The following RASIP1 variants were observed in gnomAD, a reference collection of about 807,000 sequenced individuals.
RASIP1 encodes ras-interacting protein 1.
A neutral mutation model predicts 85.3 loss-of-function variants in RASIP1; 20 were observed. The observed-to-expected ratio is 0.23, with a 90% CI of 0.17 to 0.34. The LOEUF (loss-of-function observed/expected upper bound fraction) is 0.34, where lower values mean the gene tolerates loss of function less well. RASIP1 is among the 10% of genes least tolerant of loss of function. RASIP1 has a pLI of 1.00. For synonymous variants in RASIP1, 617 were observed against 647.1 expected (o/e 0.95, Z 0.71); for missense variants, 1,170 against 1,390.9 (o/e 0.84, Z 2.53).
At position 48,722,264 on chromosome 19, in the gene RASIP1, C is replaced by A. The variant is rs144844138; in HGVS notation, c.2545-263G>T. ...GTGGAAATAAATAAGATTGGCCATT[C>A]GTTTATATTATTGAATCTGGCGATG... On this transcript the variant is annotated intron_variant, in intron 10 of 11. Transcript: ENST00000222145. Among the ~76,000 whole-genome samples, 648 of 139,886 alleles carry A rather than the reference C, an allele frequency of 4.6e-3. 4 individuals are homozygous for A. Among genetic ancestry groups the A allele is most frequent in the Middle Eastern group, 0.019 (5 of 262 alleles). 91.8% of individuals were successfully genotyped at this position (139,886 alleles called of 152,430 possible).
At position 48,740,360 on chromosome 19, in the gene RASIP1, G is replaced by T. The variant is rs2033651357; in HGVS notation, c.-4-74C>A. 6.7e-7 allele frequency: 1 copy of T among 1,497,212 alleles called. No individual in the cohort carries two copies. 92.7% of individuals were successfully genotyped at this position (1,497,212 alleles called of 1,614,324 possible). ...ATGGGGTGGAGGGAACCTGGACTCC[G>T]AGTCAGAGGGAGGAGGGGGCTGGGG... On this transcript the variant is annotated intron_variant, in intron 1 of 11. Coordinates refer to ENST00000222145, the MANE Select transcript of RASIP1 (RefSeq NM_017805.3). The surrounding 1 kb of genome is among the most constrained non-coding windows in gnomAD (Gnocchi z 5.5).
chr19:48,722,506 G>A (rs983449849), intron 10 of RASIP1, among the ~76,000 whole-genome samples: 2 of 151,904 alleles, frequency 1.3e-5, no homozygotes, highest in Non-Finnish European at 2.9e-5. Flanking sequence ...AGTTTTTGTA[G>A]AGATGGGATC....
chr19:48,733,528 G>A (rs1215022136), intron 4 of RASIP1, among the ~76,000 whole-genome samples: 2 of 152,166 alleles, frequency 1.3e-5, no homozygotes, highest in African/African-American at 2.4e-5. Flanking sequence ...AGTGCTGGCC[G>A]GGAGCGGTGG....
In RASIP1 at chr19:48,721,977, C is replaced by A; in HGVS notation, c.2569G>T (p.Asp857Tyr). 1 of 1,510,474 alleles carries A rather than the reference C, an allele frequency of 6.6e-7. No homozygotes were observed. Among genetic ancestry groups the A allele is most frequent in the Non-Finnish European group, 8.9e-7 (1 of 1,119,030 alleles). The allele number at this position is 1,510,474 out of a possible 1,614,324, so 93.6% of individuals were successfully genotyped here. A position where few individuals can be genotyped will look rare whatever the true frequency, so the allele number is the denominator to read the frequency against. ...LKASWSSLRT[D>Y]HPTLTPAQLH... Reference sequence around the variant, plus strand: ...TGGGCGGGGGTCAAGGTGGGGTGGTCGGTTCTTAGGCTGCTCCATGAAGCC... The same window carrying A: ...TGGGCGGGGGTCAAGGTGGGGTGGTAGGTTCTTAGGCTGCTCCATGAAGCC... The change falls in exon 11 of 12, where the codon GAC (aspartate) becomes TAC (tyrosine). Residue 857 changes from aspartate to tyrosine, a missense_variant. This residue lies in a region of RASIP1 where 426 missense variants were observed against 576.2 expected (regional missense o/e 0.74). Transcript: ENST00000222145.
chr19:48,724,742 G>C lies in RASIP1; in HGVS notation c.2346C>G (p.Ser782=). The stretch of plus-strand genomic sequence containing the variant: ...CTCGTTCCATCAGCGAGTTGAGAAG[G>C]GATGCGTTGGAGAAGAAGAACAAGT... The part of the protein sequence containing the change: ...FGYLFFFSNA[S]LLNSLMERGQ... Residue 782 remains serine (S), a synonymous_variant, in exon 9 of 12, where the codon TCC becomes TCG. Transcript: ENST00000222145. The surrounding 1 kb of genome is among the most constrained non-coding windows in gnomAD (Gnocchi z 4.6). The C allele has an allele frequency of 1.2e-6, 2 of 1,614,186 alleles. No homozygotes were observed. Among genetic ancestry groups the C allele is most frequent in the Admixed American group, 1.7e-5 (1 of 60,012 alleles).
chr19:48,740,024 C>T lies in RASIP1; in HGVS notation c.137+122G>A. On this transcript the variant is annotated intron_variant, in intron 2 of 11. Coordinates refer to ENST00000222145, the MANE Select transcript of RASIP1 (RefSeq NM_017805.3). This position sits in a 1 kb window ranked among gnomAD's most constrained non-coding sequence, Gnocchi z 5.5. ...TGCCCCACCGTCTCCCCCTGCCCACCAGCTCGTTTGCCCAATTCAGGATGA... is the reference window on the plus strand; with the variant it reads ...TGCCCCACCGTCTCCCCCTGCCCACTAGCTCGTTTGCCCAATTCAGGATGA... The T allele has an allele frequency of 7.6e-7, 1 of 1,316,494 alleles. No individual in the cohort carries two copies. Among genetic ancestry groups the T allele is most frequent in the African/African-American group, 1.5e-5 (1 of 65,132 alleles). 81.6% of individuals were successfully genotyped at this position (1,316,494 alleles called of 1,614,324 possible). A position where few individuals can be genotyped will look rare whatever the true frequency, so the allele number is the denominator to read the frequency against.
chr19:48,736,709 A>G (rs1408847594), intron 3 of RASIP1, among the ~76,000 whole-genome samples: 1 of 152,194 alleles, frequency 6.6e-6, no homozygotes, highest in Non-Finnish European at 1.5e-5. Flanking sequence ...TCATCTGTCA[A>G]CGTCCCCACT....
At position 48,739,037 on chromosome 19, in the gene RASIP1, GC is replaced by G; in HGVS notation, c.745del (p.Ala249ArgfsTer121). ...QELWRARPGW[A>X]RRFELRGREE... ...GCGGCCGCGCAACTCGAAGCGCCGC[GC>G]CCAGCCGGGCCGCGCCCGCCACAGC... is the stretch of plus-strand genomic sequence containing the variant. On this transcript the variant is annotated frameshift_variant, in exon 3 of 12. Transcript: ENST00000222145. LOFTEE classifies it high-confidence loss of function. The surrounding 1 kb of genome is among the most constrained non-coding windows in gnomAD (Gnocchi z 9.2). 1 of 1,239,446 alleles carries G rather than the reference GC, an allele frequency of 8.1e-7. No homozygotes were observed. Among genetic ancestry groups the G allele is most frequent in the South Asian group, 3.3e-5 (1 of 30,718 alleles). The allele number at this position is 1,239,446 out of a possible 1,614,324, so 76.8% of individuals were successfully genotyped here.
rs1188160021 is a variant in RASIP1, at chr19:48,738,929, TCCCCGCCCCAGAG to T, written c.823+18_823+30del. The T allele has an allele frequency of 2.7e-6, 3 of 1,124,026 alleles. No individual in the cohort carries two copies. The highest frequency in any genetic ancestry group is 3.2e-6 in the Non-Finnish European group (3 of 931,316). The allele number at this position is 1,124,026 out of a possible 1,614,324, so 69.6% of individuals were successfully genotyped here. A position where few individuals can be genotyped will look rare whatever the true frequency, so the allele number is the denominator to read the frequency against. ...CGGACCCCGCCTCTCTGGCACCGAG[TCCCCGCCCCAGAG>T]CCCCGCCCGCCGCTCACCTTCGCTG... On this transcript the variant is annotated intron_variant, in intron 3 of 11. Transcript: ENST00000222145. This position sits in a 1 kb window ranked among gnomAD's most constrained non-coding sequence, Gnocchi z 4.0.
chr19:48,723,429 G>A (rs983612536), intron 10 of RASIP1, among the ~76,000 whole-genome samples: 1 of 151,890 alleles, frequency 6.6e-6, no homozygotes, highest in African/African-American at 2.4e-5. Flanking sequence ...GTGTGGTGGC[G>A]CGTGCCTGTT....
At position 48,739,844 on chromosome 19, in the gene RASIP1, A is replaced by G. The variant is rs551157534; in HGVS notation, c.138-199T>C. On this transcript the variant is annotated intron_variant, in intron 2 of 11. Coordinates refer to ENST00000222145, the MANE Select transcript of RASIP1 (RefSeq NM_017805.3). This position sits in a 1 kb window ranked among gnomAD's most constrained non-coding sequence, Gnocchi z 9.2. ...AGAGAAAAAATAAATAAATAAAGGC[A>G]AGTCCCACAGTAGGAAATTCCAAGA... 6.6e-6 allele frequency among the ~76,000 whole-genome samples: 1 copy of G among 152,118 alleles called. No individual in the cohort carries two copies. Among genetic ancestry groups the G allele is most frequent in the South Asian group, 2.1e-4 (1 of 4,816 alleles).
chr19:48,720,895 C>A lies in RASIP1; in HGVS notation c.2795G>T (p.Arg932Leu), dbSNP rs2033217500. Residue 932 changes from arginine (R) to leucine (L), a missense_variant, in exon 12 of 12, where the codon CGT (arginine) becomes CTT (leucine). Around this residue, in one of 4 missense-constraint regions of RASIP1, gnomAD observed 144 missense variants for 125.5 expected, o/e 1.15. Transcript: ENST00000222145. ...GAGGCGGCGGAGCCTACGGAGTTCA[C>A]GGTGCAAGGCATCGTCCGTCACTGG... is the stretch of plus-strand genomic sequence containing the variant. ...TGPVTDDALH[R>L]ELRRLRRLLW... 1 of 1,613,922 alleles carries A rather than the reference C, an allele frequency of 6.2e-7. No homozygotes were observed. Among genetic ancestry groups the A allele is most frequent in the Non-Finnish European group, 8.5e-7 (1 of 1,179,996 alleles).
Position 48,740,483 on chromosome 19 carries a change from G to T in RASIP1, c.-5+38C>A. 7.1e-7 allele frequency: 1 copy of T among 1,402,274 alleles called. No individual in the cohort carries two copies. The highest frequency in any genetic ancestry group is 9.2e-7 in the Non-Finnish European group (1 of 1,086,130). 86.9% of individuals were successfully genotyped at this position (1,402,274 alleles called of 1,614,324 possible). ...TGGGGGACTGAGTCTTGGGGCCCAGGGAGGAGGGGTTTGGGCTGCTGGGTC... is the reference window on the plus strand; with the variant it reads ...TGGGGGACTGAGTCTTGGGGCCCAGTGAGGAGGGGTTTGGGCTGCTGGGTC... On this transcript the variant is annotated intron_variant, in intron 1 of 11. Transcript: ENST00000222145. The surrounding 1 kb of genome is among the most constrained non-coding windows in gnomAD (Gnocchi z 5.5).
chr19:48,729,515 AC>A lies in RASIP1; in HGVS notation c.1254del (p.Ser419ProfsTer216). On this transcript the variant is annotated frameshift_variant, in exon 5 of 12. Coordinates refer to ENST00000222145, the MANE Select transcript of RASIP1 (RefSeq NM_017805.3). LOFTEE classifies it high-confidence loss of function. ...GRGGNSSGRG[G>X]SPAPYVDTFL... ...AAGGTGTCCACATAGGGAGCCGGGG[AC>A]CCCCCGCGGCCAGACGAGTTCCCAC... 1 of 1,596,848 alleles carries A rather than the reference AC, an allele frequency of 6.3e-7. No homozygotes were observed. The highest frequency in any genetic ancestry group is 8.5e-7 in the Non-Finnish European group (1 of 1,172,544).
Position 48,726,990 on chromosome 19 carries a change from C to G in RASIP1, c.2023+17G>C. The G allele has an allele frequency of 3.1e-6, 5 of 1,613,918 alleles. No homozygotes were observed. Among genetic ancestry groups the G allele is most frequent in the Non-Finnish European group, 4.2e-6 (5 of 1,179,848 alleles). ...GATGGGAGACTTGGACAAGCCTGAG[C>G]CTGAGTCAGAGCTCACCCTCTTGGT... On this transcript the variant is annotated intron_variant, in intron 7 of 11. Coordinates refer to ENST00000222145, the MANE Select transcript of RASIP1 (RefSeq NM_017805.3).
Position 48,739,759 on chromosome 19 carries a change from G to GACCC in RASIP1, c.138-118_138-115dup. On this transcript the variant is annotated intron_variant, in intron 2 of 11. Transcript: ENST00000222145. The surrounding 1 kb of genome is among the most constrained non-coding windows in gnomAD (Gnocchi z 9.2). ...GGCAGAGACCCAGAGGGAGGACAGG[G>GACCC]ACCCAGGGTGGATGGACGGGGCGGG... 2 of 648,164 alleles carry GACCC rather than the reference G, an allele frequency of 3.1e-6. No individual in the cohort carries two copies. The highest frequency in any genetic ancestry group is 5.4e-5 in the South Asian group (2 of 37,210). 40.2% of individuals were successfully genotyped at this position (648,164 alleles called of 1,614,324 possible).
At position 48,729,017 on chromosome 19, in the gene RASIP1, G is replaced by A; in HGVS notation, c.1753C>T (p.His585Tyr). Residue 585 changes from histidine (H) to tyrosine (Y), a missense_variant, in exon 5 of 12, where the codon CAT (histidine) becomes TAT (tyrosine). By Grantham distance (83) the His-to-Tyr change is moderately conservative. Transcript: ENST00000222145. ...CCCAGCTCCAGCTCACGGGCGGAAT[G>A]CTGCACGCACAGCGCCAGCAGCGTG... ...PATLLALCVQHSARELELGHL... is the reference protein window; with the variant it reads ...PATLLALCVQYSARELELGHL... The A allele has an allele frequency of 6.9e-7, 1 of 1,445,360 alleles. No individual in the cohort carries two copies. The highest frequency in any genetic ancestry group is 9.0e-7 in the Non-Finnish European group (1 of 1,108,328). 89.5% of individuals were successfully genotyped at this position (1,445,360 alleles called of 1,614,324 possible). A position where few individuals can be genotyped will look rare whatever the true frequency, so the allele number is the denominator to read the frequency against.
chr19:48,734,569 C>G (rs1192181073), intron 4 of RASIP1, among the ~76,000 whole-genome samples: 1 of 151,212 alleles, frequency 6.6e-6, no homozygotes, highest in African/African-American at 2.4e-5. Context: ...CTCACCGCAA[C>G]CTCTGCCTTC....
At position 48,738,742 on chromosome 19, in the gene RASIP1, C is replaced by T. The variant is rs1345620095; in HGVS notation, c.823+218G>A. Reference sequence around the variant, plus strand: ...GTAAAACTCCTGCTCAATCAACAAGCCCCACCCAACTCTCAGGCCCGCCCA... The same window carrying T: ...GTAAAACTCCTGCTCAATCAACAAGTCCCACCCAACTCTCAGGCCCGCCCA... On this transcript the variant is annotated intron_variant, in intron 3 of 11. Coordinates refer to ENST00000222145, the MANE Select transcript of RASIP1 (RefSeq NM_017805.3). The surrounding 1 kb of genome is among the most constrained non-coding windows in gnomAD (Gnocchi z 4.0). 6 of 457,496 alleles carry T rather than the reference C, an allele frequency of 1.3e-5. No individual in the cohort carries two copies. The Admixed American group carries it at 2.4e-4, about 19-fold the overall frequency. The allele number at this position is 457,496 out of a possible 1,614,324, so 28.3% of individuals were successfully genotyped here.
Sources: gnomAD v4.1 joint callset for allele counts (sites outside exome capture counted in the v4.1 genomes callset) on GRCh38, gnomAD v4.1.1 for gene constraint, gnomAD v4.1.1 regional missense constraint, Gnocchi (gnomAD v3.1) non-coding constraint, MANE v1.5 for transcripts, NCBI Gene and HGNC (gene_info 2026-07-23, HGNC 2026-07-21) for gene names.